Variants in PPFIA3 observed in about 807,000 individuals in gnomAD.
PPFIA3 encodes the protein PPFI scaffold protein A3.
PPFIA3 carries 26 observed loss-of-function variants against 145.8 expected under a neutral mutation model. The observed-to-expected ratio is 0.18, with a 90% confidence interval of 0.13 to 0.25. PPFIA3 has a LOEUF of 0.25. PPFIA3 is among the 10% of genes least tolerant of loss of function. The pLI is 1.00. For missense variants in PPFIA3, 1,008 were observed against 1,587.8 expected, an observed-to-expected ratio of 0.63 and a Z score of 6.21; for synonymous variants, 645 against 661.4, an observed-to-expected ratio of 0.98 and a Z score of 0.38.
chr19:49,129,304 G>C, intron 4 of PPFIA3, 76 bp from the exon 5 acceptor site: 1 of 1,458,522 alleles, frequency 6.9e-7, no homozygotes, highest in Non-Finnish European at 9.3e-7. Context: ...CCGTCCCAGG[G>C]GTGTTCTGGA....
Position 49,148,097 on chromosome 19 carries a change from C to T in PPFIA3, c.2850C>T (p.Gly950=), listed in dbSNP as rs765574283. The change falls in exon 24 of 30, where the codon GGC becomes GGT. Residue 950 remains glycine, a synonymous_variant. Transcript: ENST00000334186. ...CATGGCCCCAGATCCTGGCATATGG[C>T]GACATGAACCACGAGTGGGTGGGGA... The part of the protein sequence containing the change: ...EISWEQILAY[G]DMNHEWVGND... 10 of 1,612,124 alleles carry T rather than the reference C, an allele frequency of 6.2e-6. No homozygotes were observed. The highest frequency in any genetic ancestry group is 4.0e-5 in the African/African-American group (3 of 74,926).
At position 49,150,276 on chromosome 19, in the gene PPFIA3, T is replaced by C. The variant is rs934664621; in HGVS notation, c.*54T>C. 2.3e-5 allele frequency: 22 copies of C among 947,384 alleles called. No individual in the cohort carries two copies. The East Asian group carries it at 5.4e-4, about 23-fold the overall frequency. 58.7% of individuals were successfully genotyped at this position (947,384 alleles called of 1,614,324 possible). A position where few individuals can be genotyped will look rare whatever the true frequency, so the allele number is the denominator to read the frequency against. ...CGGAAGAATCTTCCCGAGGCTGGGC[T>C]GTTCCCTCTCCTGCCCGGACTGTGG... On this transcript the variant is annotated 3_prime_UTR_variant, in exon 30 of 30. Transcript: ENST00000334186.
At chr19:49,135,695 G>T (rs972528311) in intron 13 of PPFIA3, 84 bp from the exon 14 acceptor site, 2 of 1,409,484 alleles carry the variant, frequency 1.4e-6, no homozygotes, top group African/African-American at 1.4e-5. Flanking sequence ...CAGGACCCCT[G>T]GCCCTAGGTC....
intron 21 of PPFIA3, 78 bp from the exon 22 acceptor site, chr19:49,145,865 C>G: frequency 7.8e-7 from 1 of 1,289,690 alleles, no homozygotes; most frequent in Non-Finnish European, 1.1e-6. Flanking sequence ...TGGCCCAGGG[C>G]CTTCAGGAGG....
chr19:49,126,391 G>A (rs2040999437), intron 1 of PPFIA3, among the ~76,000 whole-genome samples: 1 of 151,972 alleles, frequency 6.6e-6, no homozygotes, highest in Non-Finnish European at 1.5e-5. Context: ...TGGGACTACA[G>A]GTGCATGCCA....
At chr19:49,132,178 A>G (rs1354873402) in intron 7 of PPFIA3, among the ~76,000 whole-genome samples, 1 of 151,798 alleles carries the variant, frequency 6.6e-6, no homozygotes, top group Non-Finnish European at 1.5e-5. Flanking sequence ...ACCTGAGGTC[A>G]GGAGTTCAAG....
chr19:49,150,128 A>G lies in PPFIA3; in HGVS notation c.3575A>G (p.Tyr1192Cys), dbSNP rs769090697. 1 of 1,610,800 alleles carries G rather than the reference A, an allele frequency of 6.2e-7. No individual in the cohort carries two copies. The highest frequency in any genetic ancestry group is 8.5e-7 in the Non-Finnish European group (1 of 1,178,928). Residue 1192 changes from tyrosine to cysteine, a missense_variant, in exon 29 of 30, where the codon TAT becomes TGT. Tyr to Cys is a radical substitution (Grantham distance 194, BLOSUM62 -2). Transcript: ENST00000334186. The part of the protein sequence containing the change: ...SRADGVSVRT[Y>C]SC ...GCAGACGGCGTTTCGGTCCGGACCT[A>G]TTCCTGCTAGTGCAGGCCTCCAGGT...
chr19:49,141,591 T>A (rs2041223604), intron 19 of PPFIA3, 78 bp downstream of exon 19: 3 of 1,160,998 alleles, frequency 2.6e-6, no homozygotes, highest in Admixed American at 2.1e-5. Context: ...TGCGTGTATG[T>A]GTGTGTATGA....
rs147563120 is a variant in PPFIA3 at position 49,141,315 on chromosome 19, C to G, written c.2369-105C>G. On this transcript the variant is annotated intron_variant, in intron 18 of 29. Coordinates refer to ENST00000334186, the MANE Select transcript of PPFIA3 (RefSeq NM_003660.4). ...CCTCGATGTGCCCTCACTCACTACT[C>G]CCTCAGGGCCTCTGCCTTTCCGGCA... 3,360 of 784,376 alleles carry G rather than the reference C, an allele frequency of 4.3e-3. 54 individuals are homozygous for G. Among genetic ancestry groups the G allele is most frequent in the Non-Finnish European group, 5.8e-3 (2,677 of 465,458 alleles). The allele number at this position is 784,376 out of a possible 1,614,324, so 48.6% of individuals were successfully genotyped here.
intron 1 of PPFIA3, among the ~76,000 whole-genome samples, chr19:49,121,722 G>A (rs2122508919): frequency 6.6e-6 from 1 of 152,300 alleles, no homozygotes; most frequent in East Asian, 1.9e-4. Context: ...GTTGCATTGA[G>A]CTGAGATCGT....
Position 49,138,299 on chromosome 19 carries a change from C to A in PPFIA3, c.1948C>A (p.Arg650Ser), listed in dbSNP as rs372371049. Residue 650 changes from arginine to serine, a missense_variant, in exon 16 of 30, where the codon CGC (arginine) becomes AGC (serine). Physicochemically the swap from Arg to Ser is moderately radical, Grantham distance 110. Around this residue, in one of 11 missense-constraint regions of PPFIA3, gnomAD observed 202 missense variants for 241.8 expected, o/e 0.84. Transcript: ENST00000334186. The part of the protein sequence containing the change: ...SSGLDSLGRY[R>S]SSCSLPPSLT... ...TGGCTTGGACTCGTTGGGCCGCTAC[C>A]GCAGCAGCTGCTCCCTGCCCCCCTC... 8 of 1,613,246 alleles carry A rather than the reference C, an allele frequency of 5.0e-6. No homozygotes were observed. The highest frequency in any genetic ancestry group is 5.9e-6 in the Non-Finnish European group (7 of 1,179,762).
Position 49,130,841 on chromosome 19 carries a change from T to C in PPFIA3, c.879+242T>C, listed in dbSNP as rs999272191. ...TACTTTGTTACCTAACTTTGGGTTC[T>C]TCTCTGGTGCCTCTAAATGGATTTT... On this transcript the variant is annotated intron_variant, in intron 7 of 29. Coordinates refer to ENST00000334186, the MANE Select transcript of PPFIA3 (RefSeq NM_003660.4). This position sits in a 1 kb window ranked among gnomAD's most constrained non-coding sequence, Gnocchi z 4.5. Among the ~76,000 whole-genome samples, 48 of 152,136 alleles carry C rather than the reference T, an allele frequency of 3.2e-4. No individual in the cohort carries two copies. Among genetic ancestry groups the C allele is most frequent in the African/African-American group, 1.2e-3 (48 of 41,410 alleles).
rs56188759 is a variant in PPFIA3, at chr19:49,148,154, A to G, written c.2907A>G (p.Gln969=). Residue 969 remains glutamine, a synonymous_variant, in exon 24 of 30, where the codon CAA becomes CAG. Transcript: ENST00000334186. ...GGCTGCCCAGCCTGGGGCTGCCCCAATACCGCAGCTACTTCATGGAGTCGC... is the reference window on the plus strand; with the variant it reads ...GGCTGCCCAGCCTGGGGCTGCCCCAGTACCGCAGCTACTTCATGGAGTCGC... The part of the protein sequence containing the change: ...NDWLPSLGLP[Q]YRSYFMESLV... 2,716 of 1,614,224 alleles carry G rather than the reference A, an allele frequency of 1.7e-3. 4 individuals carry two copies. The highest frequency in any genetic ancestry group is 2.2e-3 in the Non-Finnish European group (2,595 of 1,180,030).
At chr19:49,124,884 T>G (rs984882046) in intron 1 of PPFIA3, among the ~76,000 whole-genome samples, 1 of 152,040 alleles carries the variant, frequency 6.6e-6, no homozygotes, top group Non-Finnish European at 1.5e-5. Flanking sequence ...GCTAACATGG[T>G]GAAACCCGTC....
intron 21 of PPFIA3, 144 bp downstream of exon 21, chr19:49,143,148 A>G (rs2041243556): frequency 1.1e-6 from 1 of 933,576 alleles, no homozygotes; most frequent in South Asian, 1.6e-5. Context: ...CCTCCCCTCC[A>G]CTCCTAACTT....
Position 49,149,710 on chromosome 19 carries a change from A to C in PPFIA3, c.3518A>C (p.Gln1173Pro). 6.2e-7 allele frequency: 1 copy of C among 1,607,916 alleles called. No individual in the cohort carries two copies. The highest frequency in any genetic ancestry group is 8.5e-7 in the Non-Finnish European group (1 of 1,177,034). The change falls in exon 28 of 30, where the codon CAG becomes CCG. Residue 1173 changes from glutamine to proline, a missense_variant. Gln to Pro is a moderately conservative substitution (Grantham distance 76). Around this residue, in one of 11 missense-constraint regions of PPFIA3, gnomAD observed 125 missense variants for 159.3 expected, o/e 0.78. Coordinates refer to ENST00000334186, the MANE Select transcript of PPFIA3 (RefSeq NM_003660.4). The surrounding 1 kb of genome is among the most constrained non-coding windows in gnomAD (Gnocchi z 5.7). Reference sequence around the variant, plus strand: ...CCGGGGCTCCCTCTCCGCAAGCTGCAGCCAGAAGGTGGGGGGCTCCCAAAT... The same window carrying C: ...CCGGGGCTCCCTCTCCGCAAGCTGCCGCCAGAAGGTGGGGGGCTCCCAAAT... ...GSPGLPLRKL[Q>P]PEGQTSGSSR...
chr19:49,140,147 T>G (rs3764624), intron 18 of PPFIA3, 59 bp downstream of exon 18: 3 of 1,564,106 alleles, frequency 1.9e-6, no homozygotes, highest in Admixed American at 3.5e-5. Flanking sequence ...CTCCCTCCCT[T>G]TCTTTCTTCT....
At chr19:49,122,714 G>GGTTTTTTTT (rs1555741934) in intron 1 of PPFIA3, among the ~76,000 whole-genome samples, 1 of 114,876 alleles carries the variant, frequency 8.7e-6, no homozygotes, top group African/African-American at 3.2e-5. Flanking sequence ...TTGTTTAGTT[G>GGTTTTTTTT]TTTTTTTTTT....
chr19:49,128,425 A>T lies in PPFIA3; in HGVS notation c.299A>T (p.Glu100Val). Residue 100 changes from glutamate (E) to valine (V), a missense_variant, in exon 3 of 30, where the codon GAG becomes GTG. Transcript: ENST00000334186. This position sits in a 1 kb window ranked among gnomAD's most constrained non-coding sequence, Gnocchi z 4.1. The stretch of plus-strand genomic sequence containing the variant: ...TGTCGGGAGCAGCTGCTGGAGAGGG[A>T]GGAAGAGATTGCAGAGCTGAAGGCG... ...NLCREQLLER[E>V]EEIAELKAER... 6.3e-7 allele frequency: 1 copy of T among 1,584,104 alleles called. No homozygotes were observed.
Sources: allele counts gnomAD v4.1 joint callset (sites outside exome capture counted in the v4.1 genomes callset), GRCh38; gene constraint gnomAD v4.1.1; regional missense constraint gnomAD v4.1.1; non-coding constraint Gnocchi (gnomAD v3.1); transcripts MANE v1.5; gene names NCBI Gene and HGNC (gene_info 2026-07-23, HGNC 2026-07-21).